The following ZBED1 variants were observed in gnomAD, a reference collection of about 807,000 sequenced individuals.
The protein encoded by ZBED1 is E3 SUMO-protein ligase ZBED1.
ZBED1 carries 19 observed loss-of-function variants against 49.7 expected under a neutral mutation model. The observed-to-expected ratio is 0.38, with a 90% CI of 0.27 to 0.56. ZBED1 has a LOEUF of 0.56. Among genes scored for constraint, ZBED1 ranks in the 20% least tolerant of loss-of-function variants. ZBED1 has a pLI of 0.70. For missense variants in ZBED1, 806 were observed against 972.6 expected (o/e 0.83, Z 2.28); for synonymous variants, 439 against 440.3 (o/e 1.00, Z 0.04).
In ZBED1 at chrX:2,490,618, G is replaced by A. The variant is rs149780025; in HGVS notation, c.102C>T (p.Asn34=). Reference sequence around the variant, plus strand: ...TCCACTGCAGGATGCATCCCTCGGCGTTGGTGTCGAAGCCGAAATACTTCC... The same window carrying A: ...TCCACTGCAGGATGCATCCCTCGGCATTGGTGTCGAAGCCGAAATACTTCC... ...KVWKYFGFDT[N]AEGCILQWKK... is the part of the protein sequence containing the mutation. Residue 34 remains asparagine, a synonymous_variant, in exon 2 of 2, where the codon AAC becomes AAT. Coordinates refer to ENST00000652001, the MANE Select transcript of ZBED1 (RefSeq NM_001171136.2). 5.7e-4 allele frequency: 921 copies of A among 1,613,980 alleles called. 3 individuals are homozygous for A. In the African/African-American group the frequency reaches 0.011, roughly 19 times the overall value.
In ZBED1 at chrX:2,490,555, G is replaced by A. The variant is rs775462714; in HGVS notation, c.165C>T (p.Ala55=). ...IYCRICMAQI[A]YSGNTSNLSY... ...ACAGGTTGGAGGTGTTTCCGGAGTA[G>A]GCGATCTGGGCCATGCAGATGCGGC... Residue 55 remains alanine (A), a synonymous_variant, in exon 2 of 2, where the codon GCC becomes GCT. Coordinates refer to ENST00000652001, the MANE Select transcript of ZBED1 (RefSeq NM_001171136.2). 8.1e-6 allele frequency: 13 copies of A among 1,613,894 alleles called. No homozygotes were observed. The African/African-American group carries it at 1.7e-4, about 22-fold the overall frequency.
At chrX:2,490,835 G>T in intron 1 of ZBED1, 63 bp from the exon 2 acceptor site, 1 of 1,423,624 alleles carries the variant, frequency 7.0e-7, no homozygotes, top group Non-Finnish European at 9.5e-7. Context: ...GAGCCCTGCC[G>T]GGGAGACAGA....
At position 2,489,606 on chromosome X, in the gene ZBED1, C is replaced by A; in HGVS notation, c.1114G>T (p.Ala372Ser). ...TTGCTGTCCTCCACCAAGACCCCGGCGATGACGAACTGCTGCTCCTTGAGG... is the reference window on the plus strand; with the variant it reads ...TTGCTGTCCTCCACCAAGACCCCGGAGATGACGAACTGCTGCTCCTTGAGG... ...QRLKEQQFVI[A>S]GVLVEDSNNH... The change falls in exon 2 of 2, where the codon GCC (alanine) becomes TCC (serine). Residue 372 changes from alanine (A) to serine (S), a missense_variant. Transcript: ENST00000652001. The A allele has an allele frequency of 6.2e-7, 1 of 1,612,624 alleles. No individual in the cohort carries two copies. Among genetic ancestry groups the A allele is most frequent in the Non-Finnish European group, 8.5e-7 (1 of 1,179,832 alleles).
chrX:2,497,659 T>C (rs2045316745), intron 1 of ZBED1, among the ~76,000 whole-genome samples: 1 of 152,218 alleles, frequency 6.6e-6, no homozygotes, highest in Non-Finnish European at 1.5e-5. Context: ...GGCCTATTAT[T>C]TACAATAGAA....
intron 1 of ZBED1, among the ~76,000 whole-genome samples, chrX:2,496,678 G>A (rs980050938): frequency 5.3e-5 from 8 of 151,858 alleles, no homozygotes; most frequent in South Asian, 2.1e-4. Context: ...TGTTCCCACC[G>A]CAAAGGAAAA....
At position 2,489,428 on chromosome X, in the gene ZBED1, T is replaced by C. The variant is rs1248238265; in HGVS notation, c.1292A>G (p.Asn431Ser). ...GGTCTCCTTGATGTTGAGCGTGGTG[T>C]TCAGGAGCATGTGCAGCAGCGGCTT... ...MVKPLLHMLLNTTLNIKETDS... is the reference protein window; with the variant it reads ...MVKPLLHMLLSTTLNIKETDS... The change falls in exon 2 of 2, where the codon AAC becomes AGC. Residue 431 changes from asparagine (N) to serine (S), a missense_variant. Physicochemically the swap from Asn to Ser is conservative, Grantham distance 46. Coordinates refer to ENST00000652001, the MANE Select transcript of ZBED1 (RefSeq NM_001171136.2). 6 of 1,613,828 alleles carry C rather than the reference T, an allele frequency of 3.7e-6. No individual in the cohort carries two copies. The South Asian group carries it at 6.6e-5, about 18-fold the overall frequency.
At chrX:2,497,466 C>T (rs1379862820) in intron 1 of ZBED1, among the ~76,000 whole-genome samples, 1 of 152,068 alleles carries the variant, frequency 6.6e-6, no homozygotes, top group African/African-American at 2.4e-5. Context: ...CTGTTCACTA[C>T]TCATAAAACC....
chrX:2,491,066 G>T (rs867415986), intron 1 of ZBED1, among the ~76,000 whole-genome samples: 6 of 110,244 alleles, frequency 5.4e-5, no homozygotes, highest in East Asian at 5.3e-4. Flanking sequence ...AGTGCCTTTA[G>T]TTTTTTTTTT....
chrX:2,486,452 T>C lies in ZBED1; in HGVS notation c.*2183A>G, dbSNP rs753489764. On this transcript the variant is annotated 3_prime_UTR_variant, in exon 2 of 2. Coordinates refer to ENST00000652001, the MANE Select transcript of ZBED1 (RefSeq NM_001171136.2). The stretch of plus-strand genomic sequence containing the variant: ...GGAGCTAATGCATTGCTCTGGTTTA[T>C]TGAACAACAGTCCAACTTTACAGCA... 1.1e-4 allele frequency: 17 copies of C among 152,328 alleles called. No homozygotes were observed. The highest frequency in any genetic ancestry group is 2.1e-4 in the South Asian group (1 of 4,822). The allele number at this position is 152,328 out of a possible 1,614,324, so 9.4% of individuals were successfully genotyped here.
intron 1 of ZBED1, among the ~76,000 whole-genome samples, chrX:2,493,460 A>G (rs2045208897): frequency 6.6e-6 from 1 of 151,552 alleles, no homozygotes; most frequent in African/African-American, 2.4e-5. Context: ...TCTATTTATT[A>G]TTATTATTAT....
At chrX:2,491,984 G>A (rs2045160160) in intron 1 of ZBED1, among the ~76,000 whole-genome samples, 1 of 152,182 alleles carries the variant, frequency 6.6e-6, no homozygotes. Flanking sequence ...GTTAAAAGGT[G>A]TAATTGTGTC....
chrX:2,500,800 T>A lies in ZBED1; in HGVS notation c.-54+17A>T, dbSNP rs1371260944. On this transcript the variant is annotated intron_variant, in intron 1 of 1. Coordinates refer to ENST00000652001, the MANE Select transcript of ZBED1 (RefSeq NM_001171136.2). ...CCCGGGTCCCCGGAGCCCTGACCCC[T>A]GCCCCGCCCCGCTGACCTGGCTCCA... The A allele has an allele frequency of 2.2e-6, 2 of 897,624 alleles. No individual in the cohort carries two copies. The highest frequency in any genetic ancestry group is 2.6e-6 in the Non-Finnish European group (2 of 772,386). 55.6% of individuals were successfully genotyped at this position (897,624 alleles called of 1,614,324 possible). A position where few individuals can be genotyped will look rare whatever the true frequency, so the allele number is the denominator to read the frequency against.
rs372729369 is a variant in ZBED1, at chrX:2,488,612, T to C, written c.*23A>G. 135 of 1,570,038 alleles carry C rather than the reference T, an allele frequency of 8.6e-5. No individual in the cohort carries two copies. In the African/African-American group the frequency reaches 1.6e-3, roughly 19 times the overall value. On this transcript the variant is annotated 3_prime_UTR_variant, in exon 2 of 2. Coordinates refer to ENST00000652001, the MANE Select transcript of ZBED1 (RefSeq NM_001171136.2). ...TCCAATGGGCTGCTGCGGGGATGACTTGTAAGACAACACGCTTCCTCGCTA... is the reference window on the plus strand; with the variant it reads ...TCCAATGGGCTGCTGCGGGGATGACCTGTAAGACAACACGCTTCCTCGCTA...
rs1258130945 is a variant in ZBED1, at chrX:2,489,463, G to A, written c.1257C>T (p.Ile419=). 3 of 1,613,920 alleles carry A rather than the reference G, an allele frequency of 1.9e-6. No individual in the cohort carries two copies. In the South Asian group the frequency reaches 3.3e-5, roughly 18 times the overall value. Residue 419 remains isoleucine (I), a synonymous_variant, in exon 2 of 2, where the codon ATC becomes ATT. Transcript: ENST00000652001. ...EMLSASRYPT[I]SMVKPLLHML... is the part of the protein sequence containing the mutation. ...TGTGCAGCAGCGGCTTCACCATGCT[G>A]ATGGTGGGGTACCTGGAGGCCGACA...
At position 2,500,973 on chromosome X, in the gene ZBED1, C is replaced by T; in HGVS notation, c.-210G>A. On this transcript the variant is annotated 5_prime_UTR_variant, in exon 1 of 2. Coordinates refer to ENST00000652001, the MANE Select transcript of ZBED1 (RefSeq NM_001171136.2). ...CCGCTTCCGCGCCGCCCGCGGGACT[C>T]TGCGCCCGCCCGCCCGGACGGACGG... 1 of 958,536 alleles carries T rather than the reference C, an allele frequency of 1.0e-6. No individual in the cohort carries two copies. Among genetic ancestry groups the T allele is most frequent in the Non-Finnish European group, 1.2e-6 (1 of 800,014 alleles). 59.4% of individuals were successfully genotyped at this position (958,536 alleles called of 1,614,324 possible). A position where few individuals can be genotyped will look rare whatever the true frequency, so the allele number is the denominator to read the frequency against.
chrX:2,490,455 C>A lies in ZBED1; in HGVS notation c.265G>T (p.Ala89Ser), dbSNP rs1445004328. Reference sequence around the variant, plus strand: ...AGCTTGGAGAAGGCGGTGGCGAAGGCTTCACGCATCTGCTCCGTGTTGCTC... The same window carrying A: ...AGCTTGGAGAAGGCGGTGGCGAAGGATTCACGCATCTGCTCCGTGTTGCTC... ...VKSNTEQMREAFATAFSKLKP... is the reference protein window; with the variant it reads ...VKSNTEQMRESFATAFSKLKP... The change falls in exon 2 of 2, where the codon GCC (alanine) becomes TCC (serine). Residue 89 changes from alanine to serine, a missense_variant. Physicochemically the swap from Ala to Ser is moderately conservative, Grantham distance 99. Around this residue, in one of 2 missense-constraint regions of ZBED1, gnomAD observed 749 missense variants for 861.3 expected, o/e 0.87. Transcript: ENST00000652001. The A allele has an allele frequency of 1.9e-6, 3 of 1,614,004 alleles. No individual in the cohort carries two copies. The highest frequency in any genetic ancestry group is 2.5e-6 in the Non-Finnish European group (3 of 1,179,878).
chrX:2,489,153 C>A lies in ZBED1; in HGVS notation c.1567G>T (p.Val523Leu), dbSNP rs1261457795. ...TTCTTGACGGGAGGCTCCTCGGGCACCGGGAAGATCTTGTCCTCAGCCGGC... is the reference window on the plus strand; with the variant it reads ...TTCTTGACGGGAGGCTCCTCGGGCAACGGGAAGATCTTGTCCTCAGCCGGC... ...YRPAEDKIFP[V>L]PEEPPVKKLM... The change falls in exon 2 of 2, where the codon GTG becomes TTG. Residue 523 changes from valine to leucine, a missense_variant. Val to Leu is a conservative substitution (Grantham distance 32). This residue lies in a region of ZBED1 where 749 missense variants were observed against 861.3 expected (regional missense o/e 0.87). Transcript: ENST00000652001. The A allele has an allele frequency of 6.2e-7, 1 of 1,613,494 alleles. No homozygotes were observed. The highest frequency in any genetic ancestry group is 1.7e-5 in the Admixed American group (1 of 59,990).
At chrX:2,490,867 C>T in intron 1 of ZBED1, 95 bp from the exon 2 acceptor site, 3 of 1,170,444 alleles carry the variant, frequency 2.6e-6, no homozygotes, top group Admixed American at 4.8e-5. Context: ...GGCAGCTCCG[C>T]TTTCAACCAA....
Position 2,494,725 on chromosome X carries a change from G to A in ZBED1, c.-53-3953C>T, listed in dbSNP as rs181993666. Among the ~76,000 whole-genome samples the A allele has an allele frequency of 1.1e-4, 17 of 151,570 alleles. No individual in the cohort carries two copies. In the East Asian group the frequency reaches 3.3e-3, roughly 30 times the overall value. ...CTATTCTTATTATTACTATTTGGCT[G>A]AAAAAAGGTTCTGGTACCTAGAGCC... On this transcript the variant is annotated intron_variant, in intron 1 of 1. Coordinates refer to ENST00000652001, the MANE Select transcript of ZBED1 (RefSeq NM_001171136.2).
Sources: allele counts gnomAD v4.1 joint callset (sites outside exome capture counted in the v4.1 genomes callset), GRCh38; gene constraint gnomAD v4.1.1; regional missense constraint gnomAD v4.1.1; transcripts MANE v1.5; gene names NCBI Gene and HGNC (gene_info 2026-07-23, HGNC 2026-07-21).